MATCAP2: variants seen among roughly 807,000 people sequenced by gnomAD.
MATCAP2 encodes the protein microtubule associated tyrosine carboxypeptidase 2.
chr7:36,367,257 G>A, the MATCAP2 span: 14 of 1,076,194 alleles, frequency 1.3e-5, no homozygotes, highest in South Asian at 3.2e-4. Flanking sequence ...CGGGGTCCGC[G>A]CGCGCTGCGC....
the MATCAP2 span, among the ~76,000 whole-genome samples, chr7:36,376,093 G>C: frequency 6.6e-6 from 1 of 152,070 alleles, no homozygotes; most frequent in Admixed American, 6.5e-5. Flanking sequence ...ATCTCCTTCA[G>C]TTCTGCTCTG....
At chr7:36,389,966 CTT>C in the MATCAP2 span, 1 of 1,613,966 alleles carries the variant, frequency 6.2e-7, no homozygotes, top group Admixed American at 1.7e-5. Context: ...CTGAGACTCA[CTT>C]TTCTCTTCCT....
At chr7:36,372,533 A>G in the MATCAP2 span, among the ~76,000 whole-genome samples, 2 of 152,236 alleles carry the variant, frequency 1.3e-5, no homozygotes, top group Admixed American at 6.5e-5. Context: ...TTTTACCTCA[A>G]TGAAAATAGA....
chr7:36,338,951 T>C, the MATCAP2 span, among the ~76,000 whole-genome samples: 1 of 152,218 alleles, frequency 6.6e-6, no homozygotes, highest in African/African-American at 2.4e-5. Flanking sequence ...CCTCTTTGAG[T>C]TGTCCTATCT....
chr7:36,355,072 G>GA, the MATCAP2 span: 1 of 152,136 alleles, frequency 6.6e-6, no homozygotes, highest in South Asian at 2.1e-4. Flanking sequence ...GCATCAGGGG[G>GA]AAAATGCAAA....
At chr7:36,379,875 G>GAGAGAGAGAGAGAGA in the MATCAP2 span, among the ~76,000 whole-genome samples, 1 of 148,106 alleles carries the variant, frequency 6.8e-6, no homozygotes, top group Admixed American at 6.7e-5. Context: ...GAGAGAGAGA[G>GAGAGAGAGAGAGAGA]AATATAAAGC....
the MATCAP2 span, chr7:36,356,951 G>A: frequency 6.2e-7 from 1 of 1,614,194 alleles, no homozygotes; most frequent in Admixed American, 1.7e-5. Context: ...TAATACGCTT[G>A]GCAGAGCAGG....
the MATCAP2 span, chr7:36,357,134 G>C: frequency 3.1e-6 from 5 of 1,614,144 alleles, no homozygotes; most frequent in Non-Finnish European, 3.4e-6. Context: ...TGGAAGAGTG[G>C]AGAAATGGCA....
the MATCAP2 span, among the ~76,000 whole-genome samples, chr7:36,384,862 AAG>A: frequency 6.6e-6 from 1 of 151,892 alleles, no homozygotes; most frequent in South Asian, 2.1e-4. Context: ...GCATAGTGAA[AAG>A]AAAAAAAAAA....
the MATCAP2 span, among the ~76,000 whole-genome samples, chr7:36,366,417 A>C: frequency 3.3e-5 from 5 of 152,232 alleles, no homozygotes; most frequent in Admixed American, 3.3e-4. Context: ...ACTTGGTATA[A>C]TCCGTACTGT....
chr7:36,338,660 G>C, the MATCAP2 span, among the ~76,000 whole-genome samples: 1 of 151,980 alleles, frequency 6.6e-6, no homozygotes, highest in Non-Finnish European at 1.5e-5. Context: ...ATGTTGACCA[G>C]GCTAGTCCTG....
At chr7:36,367,147 A>C in the MATCAP2 span, 7 of 1,218,896 alleles carry the variant, frequency 5.7e-6, no homozygotes, top group Non-Finnish European at 7.1e-6. Flanking sequence ...ACCAGCCCGT[A>C]GCTACTGGAA....
chr7:36,384,269 T>G, the MATCAP2 span, among the ~76,000 whole-genome samples: 1 of 152,192 alleles, frequency 6.6e-6, no homozygotes, highest in African/African-American at 2.4e-5. Flanking sequence ...TCTAGTTATT[T>G]CTACTTCAGA....
chr7:36,339,133 T>C, the MATCAP2 span, among the ~76,000 whole-genome samples: 1 of 152,232 alleles, frequency 6.6e-6, no homozygotes, highest in African/African-American at 2.4e-5. Context: ...ATAAACCTTT[T>C]TTTTAAGTAT....
At chr7:36,374,065 C>G in the MATCAP2 span, among the ~76,000 whole-genome samples, 3 of 152,078 alleles carry the variant, frequency 2.0e-5, no homozygotes, top group Non-Finnish European at 2.9e-5. Flanking sequence ...AGCCACCATG[C>G]CTGGCCATTT....
the MATCAP2 span, among the ~76,000 whole-genome samples, chr7:36,364,564 G>T: frequency 2.0e-5 from 3 of 152,010 alleles, no homozygotes. Flanking sequence ...AAATGAGTCT[G>T]TTCTATATTT....
the MATCAP2 span, among the ~76,000 whole-genome samples, chr7:36,361,732 C>T: frequency 6.6e-6 from 1 of 152,020 alleles, no homozygotes; most frequent in Non-Finnish European, 1.5e-5. Context: ...TTCTAAAAAA[C>T]AAATGAACAA....
the MATCAP2 span, among the ~76,000 whole-genome samples, chr7:36,381,990 A>G: frequency 1.3e-5 from 2 of 152,168 alleles, no homozygotes; most frequent in Non-Finnish European, 2.9e-5. Context: ...ATTCTCTTGT[A>G]TCAAATTTAA....
At chr7:36,338,642 G>T in the MATCAP2 span, among the ~76,000 whole-genome samples, 6 of 151,796 alleles carry the variant, frequency 4.0e-5, no homozygotes, top group African/African-American at 9.7e-5. Context: ...TAGAGACAAG[G>T]TCTCACTATG....
Sources: gnomAD v4.1 joint callset for allele counts (sites outside exome capture counted in the v4.1 genomes callset) on GRCh38, gnomAD v4.1.1 for gene constraint, MANE v1.5 for transcripts, NCBI Gene and HGNC (gene_info 2026-07-23, HGNC 2026-07-21) for gene names.